The following CACNA1D variants were observed in gnomAD, a reference collection of about 807,000 sequenced individuals.
CACNA1D encodes the protein calcium voltage-gated channel subunit alpha1 D.
Under a neutral mutation model 257.1 loss-of-function variants are expected in CACNA1D, and 55 were observed. The observed-to-expected ratio is 0.21, with a 90% CI of 0.17 to 0.27. CACNA1D has a LOEUF of 0.27. CACNA1D is among the 10% of genes least tolerant of loss of function. CACNA1D has a pLI of 1.00. For synonymous variants in CACNA1D, 980 were observed against 1,014.9 expected (o/e 0.97, Z 0.65); for missense variants, 1,876 against 2,784.0 (o/e 0.67, Z 7.34).
chr3:53,614,901 A>G (rs140052377), intron 3 of CACNA1D, among the ~76,000 whole-genome samples: 1 of 151,972 alleles, frequency 6.6e-6, no homozygotes, highest in Non-Finnish European at 1.5e-5. Flanking sequence ...AATTCATCAC[A>G]CTCCTGTGGA....
intron 9 of CACNA1D, among the ~76,000 whole-genome samples, chr3:53,709,466 G>A (rs765097941): frequency 9.2e-5 from 14 of 152,196 alleles, no homozygotes; most frequent in Admixed American, 2.0e-4. Context: ...TCATGGTTTT[G>A]TGGGAGAGGA....
intron 3 of CACNA1D, among the ~76,000 whole-genome samples, chr3:53,607,663 T>A (rs1004999748): frequency 1.3e-5 from 2 of 152,272 alleles, no homozygotes; most frequent in Admixed American, 6.5e-5. Context: ...TCCAGACTTA[T>A]AGTTTTAGCT....
intron 3 of CACNA1D, among the ~76,000 whole-genome samples, chr3:53,517,399 A>G (rs760294607): frequency 6.6e-6 from 1 of 152,088 alleles, no homozygotes; most frequent in Non-Finnish European, 1.5e-5. Flanking sequence ...GAAAGAGCCA[A>G]CCAGGCCAGA....
intron 3 of CACNA1D, among the ~76,000 whole-genome samples, chr3:53,519,795 C>T (rs960625086): frequency 3.9e-5 from 6 of 152,140 alleles, no homozygotes; most frequent in African/African-American, 1.4e-4. Flanking sequence ...TAGCTGTCAC[C>T]CCATTTTCCA....
chr3:53,710,365 A>T (rs1440249147), intron 9 of CACNA1D: 1 of 454,640 alleles, frequency 2.2e-6, no homozygotes, highest in South Asian at 1.5e-5. Context: ...CTGCTGCTTC[A>T]TAATGAAATT....
At chr3:53,698,811 T>TC (rs1410349916) in intron 8 of CACNA1D, among the ~76,000 whole-genome samples, 4 of 151,826 alleles carry the variant, frequency 2.6e-5, no homozygotes, top group Non-Finnish European at 5.9e-5. Context: ...TATTGCTTTT[T>TC]TTTTTTTTTT....
rs567251340 is a variant in CACNA1D, at chr3:53,637,577, C to T, written c.484-13202C>T. ...ACTCCTCTTGGAGCCACCAGGTTCC[C>T]TGGGAGTGGAATTGCCTGTGGAAAG... On this transcript the variant is annotated intron_variant, in intron 3 of 47. Transcript: ENST00000350061. 8.5e-5 allele frequency among the ~76,000 whole-genome samples: 13 copies of T among 152,262 alleles called. No individual in the cohort carries two copies. In the South Asian group the frequency reaches 1.7e-3, roughly 19 times the overall value.
chr3:53,748,085 T>G (rs1020977698), intron 26 of CACNA1D, among the ~76,000 whole-genome samples: 18 of 152,174 alleles, frequency 1.2e-4, no homozygotes, highest in Admixed American at 1.3e-4. Context: ...AGGCAGGTGG[T>G]CTGGTGTGTC....
intron 47 of CACNA1D, 105 bp downstream of exon 47, chr3:53,810,403 C>A: frequency 2.7e-6 from 3 of 1,101,540 alleles, no homozygotes; most frequent in South Asian, 1.3e-5. Context: ...AGGCTGTGAG[C>A]TAGGCTGCCT....
Position 53,497,140 on chromosome 3 carries a change from C to T in CACNA1D, c.68-12C>T, listed in dbSNP as rs1262205519. 1.2e-6 allele frequency: 2 copies of T among 1,612,254 alleles called. No homozygotes were observed. Among genetic ancestry groups the T allele is most frequent in the Non-Finnish European group, 8.5e-7 (1 of 1,179,016 alleles). On this transcript the variant is annotated splice_polypyrimidine_tract_variant and intron_variant, in intron 1 of 47. Transcript: ENST00000350061. ...TAAAAAAAAAAATCTTTGTTTTTCT[C>T]CTTCTCCCCAGAGGCAAACTATGCA...
At chr3:53,509,580 G>C (rs2091021331) in intron 3 of CACNA1D, among the ~76,000 whole-genome samples, 1 of 152,182 alleles carries the variant, frequency 6.6e-6, no homozygotes, top group Non-Finnish European at 1.5e-5. Flanking sequence ...CGCGAGGTGA[G>C]GCTGGAGGGA....
intron 3 of CACNA1D, among the ~76,000 whole-genome samples, chr3:53,629,185 G>A (rs1285380025): frequency 6.6e-6 from 1 of 152,236 alleles, no homozygotes; most frequent in Non-Finnish European, 1.5e-5. Context: ...TGGTGGACCA[G>A]AGGCCATAAT....
intron 3 of CACNA1D, among the ~76,000 whole-genome samples, chr3:53,566,470 C>T (rs991187522): frequency 6.6e-6 from 1 of 152,184 alleles, no homozygotes; most frequent in Admixed American, 6.5e-5. Flanking sequence ...CATAATAGCA[C>T]CCACATTCAT....
intron 37 of CACNA1D, among the ~76,000 whole-genome samples, chr3:53,777,276 A>G (rs1332064982): frequency 6.6e-6 from 1 of 152,160 alleles, no homozygotes; most frequent in Non-Finnish European, 1.5e-5. Flanking sequence ...GAGAATGGAC[A>G]TCGTAATGGC....
intron 3 of CACNA1D, among the ~76,000 whole-genome samples, chr3:53,509,831 G>T (rs899858501): frequency 1.3e-5 from 2 of 152,312 alleles, no homozygotes; most frequent in Admixed American, 6.5e-5. Flanking sequence ...TCCTGTGTCC[G>T]TCAGGGATTC....
rs2094091008 is a variant in CACNA1D, at chr3:53,651,361, A to ATTTTCT, written c.623+448_623+453dup. ...TAACATCCCTTGAGCAAAGCTATTAATTTTCTTTTTTTTTTTTTTTTTTTT... is the reference window on the plus strand; with the variant it reads ...TAACATCCCTTGAGCAAAGCTATTAATTTTCTTTTTCTTTTTTTTTTTTTTTTTTTT... On this transcript the variant is annotated intron_variant, in intron 4 of 47. Coordinates refer to ENST00000350061, the MANE Select transcript of CACNA1D (RefSeq NM_001128840.3). 7.0e-5 allele frequency among the ~76,000 whole-genome samples: 4 copies of ATTTTCT among 57,168 alleles called. 1 individual carries two copies. The highest frequency in any genetic ancestry group is 7.3e-4 in the East Asian group (1 of 1,376). The allele number at this position is 57,168 out of a possible 152,430, so 37.5% of individuals were successfully genotyped here. A position where few individuals can be genotyped will look rare whatever the true frequency, so the allele number is the denominator to read the frequency against.
chr3:53,808,840 C>T (rs1250259252), intron 46 of CACNA1D, 70 bp downstream of exon 46: 55 of 1,535,486 alleles, frequency 3.6e-5, no homozygotes, highest in Non-Finnish European at 4.9e-5. Context: ...CAGGTCACTC[C>T]CTTCTCCTTG....
intron 37 of CACNA1D, among the ~76,000 whole-genome samples, chr3:53,777,894 G>A (rs1381708533): frequency 6.6e-6 from 1 of 152,202 alleles, no homozygotes; most frequent in African/African-American, 2.4e-5. Context: ...GAAAACGCAA[G>A]GTTTGCCTCT....
intron 3 of CACNA1D, among the ~76,000 whole-genome samples, chr3:53,600,250 T>C (rs2093424703): frequency 6.6e-6 from 1 of 152,250 alleles, no homozygotes; most frequent in African/African-American, 2.4e-5. Context: ...TCAGAGCTTT[T>C]GTGTTTTCTC....
Sources: allele counts gnomAD v4.1 joint callset (sites outside exome capture counted in the v4.1 genomes callset), GRCh38; gene constraint gnomAD v4.1.1; transcripts MANE v1.5; gene names NCBI Gene and HGNC (gene_info 2026-07-23, HGNC 2026-07-21).